FBN2: variants seen among roughly 807,000 people sequenced by gnomAD.
FBN2 encodes fibrillin 2, also known as fibrillin-2.
Under a neutral mutation model 355.6 loss-of-function variants are expected in FBN2, and 105 were observed. The ratio of observed to expected loss-of-function variants is 0.30; its 90% confidence interval spans 0.25 to 0.35. The LOEUF is 0.35. Among genes scored for constraint, FBN2 ranks in the 10% least tolerant of loss-of-function variants. The pLI is 1.00. For synonymous variants in FBN2, 1,350 were observed against 1,301.2 expected (o/e 1.04, Z -0.81); for missense variants, 3,280 against 3,758.7 (o/e 0.87, Z 3.33).
intron 40 of FBN2, 132 bp downstream of exon 40, chr5:128,309,851 T>C: frequency 9.5e-7 from 1 of 1,048,888 alleles, no homozygotes; most frequent in Non-Finnish European, 1.5e-6. Flanking sequence ...GCCAGCAGCT[T>C]GCAAGACTCT....
intron 6 of FBN2, among the ~76,000 whole-genome samples, chr5:128,449,739 T>A (rs1311667789): frequency 1.3e-5 from 2 of 151,724 alleles, no homozygotes; most frequent in Non-Finnish European, 2.9e-5. Context: ...TACGAAAAAT[T>A]CCATTAAAAA....
intron 48 of FBN2, among the ~76,000 whole-genome samples, chr5:128,296,607 T>G (rs1749521128): frequency 6.6e-6 from 1 of 152,242 alleles, no homozygotes; most frequent in South Asian, 2.1e-4. Flanking sequence ...TCTTCTAGAT[T>G]TTCTAGTTTA....
At chr5:128,381,696 G>A (rs960436629) in intron 11 of FBN2, among the ~76,000 whole-genome samples, 1 of 152,024 alleles carries the variant, frequency 6.6e-6, no homozygotes, top group Non-Finnish European at 1.5e-5. Flanking sequence ...TGCTGCTGGG[G>A]CTTTAACTTT....
In FBN2 at chr5:128,376,735, A is replaced by G. The variant is rs750685055; in HGVS notation, c.1968T>C (p.Cys656=). 55 of 1,613,600 alleles carry G rather than the reference A, an allele frequency of 3.4e-5. No individual in the cohort carries two copies. The highest frequency in any genetic ancestry group is 4.0e-5 in the Non-Finnish European group (47 of 1,179,684). ...CTATCTGAAAGCCACACATACCAGTACAGTAACGCCCATTTGGAGCCAAGA... is the reference window on the plus strand; with the variant it reads ...CTATCTGAAAGCCACACATACCAGTGCAGTAACGCCCATTTGGAGCCAAGA... ...GFVLAPNGRY[C]TDVDECQTPG... The change falls in exon 14 of 65, where the codon TGT becomes TGC. Residue 656 remains cysteine, a synonymous_variant. Coordinates refer to ENST00000262464, the MANE Select transcript of FBN2 (RefSeq NM_001999.4).
intron 12 of FBN2, 79 bp downstream of exon 12, chr5:128,378,692 T>C: frequency 1.4e-6 from 2 of 1,467,890 alleles, no homozygotes. Context: ...CATGTTTTAA[T>C]AAATTTACTT....
chr5:128,305,019 C>T lies in FBN2; in HGVS notation c.5738G>A (p.Gly1913Glu). ...CSHGLCVDLQ[G>E]SYQCICHNGF... is the part of the protein sequence containing the mutation. Reference sequence around the variant, plus strand: ...ATTGTGGCAGATGCACTGGTAACTTCCTTGCAGATCAACACACAAGCCATG... The same window carrying T: ...ATTGTGGCAGATGCACTGGTAACTTTCTTGCAGATCAACACACAAGCCATG... The change falls in exon 45 of 65, where the codon GGA (glycine) becomes GAA (glutamate). Residue 1913 changes from glycine to glutamate, a missense_variant. By Grantham distance (98) the Gly-to-Glu change is moderately conservative (BLOSUM62 -2). Coordinates refer to ENST00000262464, the MANE Select transcript of FBN2 (RefSeq NM_001999.4). The T allele has an allele frequency of 6.2e-7, 1 of 1,613,798 alleles. No homozygotes were observed. The highest frequency in any genetic ancestry group is 8.5e-7 in the Non-Finnish European group (1 of 1,179,946).
rs1383616412 is a variant in FBN2 at position 128,455,994 on chromosome 5, A to AAAAAAACAAAAAAAAAAC, written c.826+8729_826+8730insGTTTTTTTTTTGTTTTTT. Among the ~76,000 whole-genome samples the AAAAAAACAAAAAAAAAAC allele has an allele frequency of 5.6e-5, 7 of 124,732 alleles. 1 individual carries two copies. In the Middle Eastern group the frequency reaches 0.011, roughly 204 times the overall value. 81.8% of individuals were successfully genotyped at this position (124,732 alleles called of 152,430 possible). On this transcript the variant is annotated intron_variant, in intron 6 of 64. Transcript: ENST00000262464. ...TCCTTGGGGGAGGGTTAGCAACAAA[A>AAAAAAACAAAAAAAAAAC]AAAAAAAAAAAAAAAAAAAAAAAAA... is the stretch of plus-strand genomic sequence containing the variant.
Position 128,258,188 on chromosome 5 carries a change from A to T in FBN2, c.*1267T>A, listed in dbSNP as rs1035387323. The T allele has an allele frequency of 1.3e-5, 2 of 152,596 alleles. No homozygotes were observed. Among genetic ancestry groups the T allele is most frequent in the African/African-American group, 4.8e-5 (2 of 41,440 alleles). 9.5% of individuals were successfully genotyped at this position (152,596 alleles called of 1,614,324 possible). On this transcript the variant is annotated 3_prime_UTR_variant, in exon 65 of 65. Transcript: ENST00000262464. ...TATGAGGTTTGGTCACTGGTCCAGG[A>T]AACAGGTTCTTGGGTTGAGAAGAAT...
chr5:128,350,706 A>G (rs1751329666), intron 21 of FBN2, among the ~76,000 whole-genome samples, 162 bp downstream of exon 21: 1 of 152,246 alleles, frequency 6.6e-6, no homozygotes, highest in South Asian at 2.1e-4. Context: ...AAACAAATAC[A>G]CATTTTAAGA....
chr5:128,317,698 T>C (rs1469914226), intron 36 of FBN2, among the ~76,000 whole-genome samples: 1 of 152,212 alleles, frequency 6.6e-6, no homozygotes, highest in African/African-American at 2.4e-5. Flanking sequence ...TCCTCCTCCC[T>C]GTCACCTTCC....
chr5:128,259,961 C>T, intron 64 of FBN2, 132 bp from the exon 65 acceptor site: 1 of 896,738 alleles, frequency 1.1e-6, no homozygotes, highest in Non-Finnish European at 1.8e-6. Flanking sequence ...CTGCACTCTC[C>T]TTACCAGCAG....
At chr5:128,425,726 A>C (rs1299861583) in intron 7 of FBN2, among the ~76,000 whole-genome samples, 5 of 152,172 alleles carry the variant, frequency 3.3e-5, no homozygotes, top group African/African-American at 1.2e-4. Flanking sequence ...TTATCATATA[A>C]ATGAGCATTA....
chr5:128,531,636 G>A (rs1281249022), intron 2 of FBN2, among the ~76,000 whole-genome samples: 1 of 151,070 alleles, frequency 6.6e-6, no homozygotes, highest in Non-Finnish European at 1.5e-5. Flanking sequence ...TAAAGCACAG[G>A]CTTTTTAAGT....
chr5:128,415,396 T>C (rs982163909), intron 7 of FBN2, among the ~76,000 whole-genome samples: 5 of 152,312 alleles, frequency 3.3e-5, no homozygotes, highest in Middle Eastern at 3.4e-3. Flanking sequence ...GTAACTCTTA[T>C]TCTACTCTCT....
intron 7 of FBN2, among the ~76,000 whole-genome samples, chr5:128,409,121 C>A (rs144772970): frequency 6.6e-6 from 1 of 152,178 alleles, no homozygotes; most frequent in African/African-American, 2.4e-5. Context: ...AGGGAATTAT[C>A]CTACTAGAGC....
At chr5:128,427,390 T>C (rs1388179228) in intron 7 of FBN2, among the ~76,000 whole-genome samples, 1 of 152,126 alleles carries the variant, frequency 6.6e-6, no homozygotes, top group Non-Finnish European at 1.5e-5. Flanking sequence ...CTTACCATTA[T>C]ATCCCTGAGT....
At chr5:128,294,135 A>G (rs1327744446) in intron 48 of FBN2, among the ~76,000 whole-genome samples, 1 of 152,012 alleles carries the variant, frequency 6.6e-6, no homozygotes, top group African/African-American at 2.4e-5. Flanking sequence ...ATGATTTCCA[A>G]TTTCATCCAT....
Position 128,263,445 on chromosome 5 carries a change from C to T in FBN2, c.8172G>A (p.Gly2724=). The T allele has an allele frequency of 6.2e-7, 1 of 1,613,864 alleles. No homozygotes were observed. The highest frequency in any genetic ancestry group is 8.5e-7 in the Non-Finnish European group (1 of 1,179,786). Residue 2724 remains glycine (G), a synonymous_variant, in exon 63 of 65, where the codon GGG becomes GGA. Coordinates refer to ENST00000262464, the MANE Select transcript of FBN2 (RefSeq NM_001999.4). ...CTTACCCTTGTCCCACTCTGTAATA[C>T]CCAGGGGGGCAGCCACAGAGGTAGC... The part of the protein sequence containing the change: ...EGGYLCGCPP[G]YYRVGQGHCV...
At chr5:128,412,375 G>C (rs1172437605) in intron 7 of FBN2, among the ~76,000 whole-genome samples, 1 of 152,190 alleles carries the variant, frequency 6.6e-6, no homozygotes, top group Non-Finnish European at 1.5e-5. Flanking sequence ...GTCTTTTCCA[G>C]TGCTCTCTCC....
Sources: gnomAD v4.1 joint callset for allele counts (sites outside exome capture counted in the v4.1 genomes callset) on GRCh38, gnomAD v4.1.1 for gene constraint, MANE v1.5 for transcripts, NCBI Gene and HGNC (gene_info 2026-07-23, HGNC 2026-07-21) for gene names.